Variants in USP13 observed in about 807,000 individuals in gnomAD.
The protein encoded by USP13 is ubiquitin specific peptidase 13.
A neutral mutation model predicts 107.8 loss-of-function variants in USP13; 68 were observed. That is an observed-to-expected ratio of 0.63 (90% confidence interval 0.52 to 0.77). The LOEUF is 0.77. Among genes scored for constraint, USP13 ranks in the 30% least tolerant of loss-of-function variants. The pLI is 0.00. For synonymous variants in USP13, 377 were observed against 389.5 expected, an observed-to-expected ratio of 0.97 and a Z score of 0.38; for missense variants, 945 against 1,093.3, an observed-to-expected ratio of 0.86 and a Z score of 1.91.
intron 3 of USP13, among the ~76,000 whole-genome samples, chr3:179,696,198 G>A (rs1712318574): frequency 6.6e-6 from 1 of 152,096 alleles, no homozygotes. Context: ...GTGAAGGACT[G>A]GGGCTATTTC....
chr3:179,694,799 CAAAAA>C (rs576517737), intron 3 of USP13, among the ~76,000 whole-genome samples: 5 of 82,166 alleles, frequency 6.1e-5, no homozygotes, highest in Admixed American at 3.5e-4. Context: ...AACTCCATCT[CAAAAA>C]AAAAAAAAAA....
At chr3:179,660,579 C>A (rs1720428015) in intron 1 of USP13, among the ~76,000 whole-genome samples, 1 of 152,220 alleles carries the variant, frequency 6.6e-6, no homozygotes, top group African/African-American at 2.4e-5. Flanking sequence ...GTGAATAAAG[C>A]TGCTTCAGTT....
At chr3:179,699,714 A>AAAG (rs1712444370) in intron 3 of USP13, among the ~76,000 whole-genome samples, 1 of 149,846 alleles carries the variant, frequency 6.7e-6, no homozygotes. Flanking sequence ...AAAAAAAAAA[A>AAAG]GCTTAGATTG....
At chr3:179,734,083 G>A (rs1034596028) in intron 10 of USP13, among the ~76,000 whole-genome samples, 19 of 152,154 alleles carry the variant, frequency 1.2e-4, no homozygotes, top group Non-Finnish European at 1.3e-4. Context: ...TCTCACTGGC[G>A]TCTTCCAAGT....
At position 179,678,486 on chromosome 3, in the gene USP13, T is replaced by G. The variant is rs1711543943; in HGVS notation, c.169-3392T>G. ...AAGCTTTTTTGGATGCTATTTTTTT[T>G]TTTTGAGACAGGGTCTCTTTCTGTC... On this transcript the variant is annotated intron_variant, in intron 1 of 20. Transcript: ENST00000263966. This position sits in a 1 kb window ranked among gnomAD's most constrained non-coding sequence, Gnocchi z 4.2. Among the ~76,000 whole-genome samples the G allele has an allele frequency of 6.6e-6, 1 of 151,952 alleles. No homozygotes were observed. The highest frequency in any genetic ancestry group is 2.1e-4 in the South Asian group (1 of 4,824).
chr3:179,696,230 C>A (rs1057036301), intron 3 of USP13, among the ~76,000 whole-genome samples: 5 of 151,620 alleles, frequency 3.3e-5, no homozygotes, highest in African/African-American at 1.2e-4. Flanking sequence ...TTTTTTCTTT[C>A]AACTTATACG....
rs1248972650 is a variant in USP13 at position 179,653,060 on chromosome 3, TGCCCGCTCCCGCCCCGCA to T, written c.-157_-140del. The T allele has an allele frequency of 4.5e-6, 2 of 444,414 alleles. No individual in the cohort carries two copies. Among genetic ancestry groups the T allele is most frequent in the Admixed American group, 1.3e-4 (2 of 15,354 alleles). 27.5% of individuals were successfully genotyped at this position (444,414 alleles called of 1,614,324 possible). A position where few individuals can be genotyped will look rare whatever the true frequency, so the allele number is the denominator to read the frequency against. On this transcript the variant is annotated 5_prime_UTR_variant, in exon 1 of 21. Coordinates refer to ENST00000263966, the MANE Select transcript of USP13 (RefSeq NM_003940.3). This position sits in a 1 kb window ranked among gnomAD's most constrained non-coding sequence, Gnocchi z 4.0. The stretch of plus-strand genomic sequence containing the variant: ...TCGCCAGTCCGCCCCAAGCCCGCGG[TGCCCGCTCCCGCCCCGCA>T]GCCCGCTCTCCCCGCCCGCCCCGGC...
Position 179,701,033 on chromosome 3 carries a change from T to C in USP13, c.381T>C (p.Asn127=), listed in dbSNP as rs771302575. ...ATCTAGATACTGATGACGATTTAAA[T>C]AGCGACGATTATGAATATGAAGATG... is the stretch of plus-strand genomic sequence containing the variant. ...FLDLDTDDDL[N]SDDYEYEDEA... The change falls in exon 4 of 21, where the codon AAT becomes AAC. Residue 127 remains asparagine (N), a synonymous_variant. Coordinates refer to ENST00000263966, the MANE Select transcript of USP13 (RefSeq NM_003940.3). 1.9e-6 allele frequency: 3 copies of C among 1,613,844 alleles called. No individual in the cohort carries two copies. In the East Asian group the frequency reaches 6.7e-5, roughly 36 times the overall value.
intron 19 of USP13, among the ~76,000 whole-genome samples, chr3:179,766,378 C>T (rs1315750400): frequency 6.6e-6 from 1 of 152,130 alleles, no homozygotes; most frequent in Non-Finnish European, 1.5e-5. Context: ...CATGTTTGTG[C>T]CCAAGTTTAG....
rs143910368 is a variant in USP13, at chr3:179,676,132, C to T, written c.169-5746C>T. Reference sequence around the variant, plus strand: ...TTTGCTCAGCACTTCTCCTTCCAGCCGCCCTGTGAAGAAGGTGCCTTTCTT... The same window carrying T: ...TTTGCTCAGCACTTCTCCTTCCAGCTGCCCTGTGAAGAAGGTGCCTTTCTT... On this transcript the variant is annotated intron_variant, in intron 1 of 20. Coordinates refer to ENST00000263966, the MANE Select transcript of USP13 (RefSeq NM_003940.3). Among the ~76,000 whole-genome samples the T allele has an allele frequency of 1.7e-3, 265 of 152,254 alleles. 1 individual carries two copies. Among genetic ancestry groups the T allele is most frequent in the Admixed American group, 3.5e-3 (54 of 15,298 alleles).
At chr3:179,684,952 T>C (rs551794755) in intron 2 of USP13, among the ~76,000 whole-genome samples, 3 of 152,336 alleles carry the variant, frequency 2.0e-5, no homozygotes, top group East Asian at 1.9e-4. Context: ...GATTAACCTA[T>C]AATCCACATC....
intron 1 of USP13, among the ~76,000 whole-genome samples, chr3:179,679,802 T>G (rs932045465): frequency 1.8e-4 from 18 of 97,918 alleles, no homozygotes; most frequent in South Asian, 3.3e-4. Flanking sequence ...TAGTTTTTTT[T>G]TTTTTTTTTT....
intron 12 of USP13, among the ~76,000 whole-genome samples, chr3:179,744,805 T>A (rs927754313): frequency 6.6e-5 from 10 of 152,150 alleles, no homozygotes; most frequent in African/African-American, 1.4e-4. Flanking sequence ...TTCCCTCCTG[T>A]CAGTCGCAAA....
In USP13 at chr3:179,731,246, A is replaced by G. The variant is rs575841150; in HGVS notation, c.1254+537A>G. ...GCCAACATGGTGAAACCCTGTCTCTACTAAAAATACAAAAATTAGCTGGGC... is the reference window on the plus strand; with the variant it reads ...GCCAACATGGTGAAACCCTGTCTCTGCTAAAAATACAAAAATTAGCTGGGC... On this transcript the variant is annotated intron_variant, in intron 10 of 20. Transcript: ENST00000263966. Among the ~76,000 whole-genome samples, 5 of 152,262 alleles carry G rather than the reference A, an allele frequency of 3.3e-5. No individual in the cohort carries two copies. In the East Asian group the frequency reaches 5.8e-4, roughly 18 times the overall value.
chr3:179,732,393 A>G (rs1325357783), intron 10 of USP13, among the ~76,000 whole-genome samples: 1 of 152,206 alleles, frequency 6.6e-6, no homozygotes, highest in Non-Finnish European at 1.5e-5. Context: ...CACTTCTTGC[A>G]TGGCTCTTCT....
chr3:179,768,640 A>G (rs961313958), intron 19 of USP13, among the ~76,000 whole-genome samples: 1 of 152,218 alleles, frequency 6.6e-6, no homozygotes, highest in African/African-American at 2.4e-5. Context: ...CAGAACCACA[A>G]ATGTTTTCAA....
At chr3:179,689,442 A>C (rs1429735502) in intron 2 of USP13, among the ~76,000 whole-genome samples, 1 of 152,018 alleles carries the variant, frequency 6.6e-6, no homozygotes, top group Non-Finnish European at 1.5e-5. Flanking sequence ...GCAGATCACG[A>C]GGTCAGGAGT....
In USP13 at chr3:179,716,960, G is replaced by A. The variant is rs1436717951; in HGVS notation, c.806-2980G>A. On this transcript the variant is annotated intron_variant, in intron 6 of 20. Coordinates refer to ENST00000263966, the MANE Select transcript of USP13 (RefSeq NM_003940.3). Reference sequence around the variant, plus strand: ...GCCTCATGCTCTTGTGGTTTAGTTTGTCATTTAACTTGAAATGAAAGGATG... The same window carrying A: ...GCCTCATGCTCTTGTGGTTTAGTTTATCATTTAACTTGAAATGAAAGGATG... Among the ~76,000 whole-genome samples the A allele has an allele frequency of 4.6e-5, 7 of 152,110 alleles. No individual in the cohort carries two copies. The South Asian group carries it at 1.0e-3, about 23-fold the overall frequency.
rs1308163734 is a variant in USP13 at position 179,779,621 on chromosome 3, T to C, written c.2414-2118T>C. 4.0e-5 allele frequency among the ~76,000 whole-genome samples: 6 copies of C among 151,138 alleles called. No individual in the cohort carries two copies. In the South Asian group the frequency reaches 1.3e-3, roughly 32 times the overall value. Reference sequence around the variant, plus strand: ...TCATGGGCAACCTGGCACTAAACCGTTGGTAGATGACCTGCTTCTGGGTCG... The same window carrying C: ...TCATGGGCAACCTGGCACTAAACCGCTGGTAGATGACCTGCTTCTGGGTCG... On this transcript the variant is annotated intron_variant, in intron 19 of 20. Transcript: ENST00000263966.
Sources: gnomAD v4.1 joint callset for allele counts (sites outside exome capture counted in the v4.1 genomes callset) on GRCh38, gnomAD v4.1.1 for gene constraint, Gnocchi (gnomAD v3.1) non-coding constraint, MANE v1.5 for transcripts, NCBI Gene and HGNC (gene_info 2026-07-23, HGNC 2026-07-21) for gene names.